Variants in ANKHD1 observed in about 807,000 individuals in gnomAD.
The protein encoded by ANKHD1 is ankyrin repeat and KH domain-containing protein 1.
In ANKHD1, 31 loss-of-function variants were observed where a neutral mutation model predicts 230.5. The ratio of observed to expected loss-of-function variants is 0.13; its 90% confidence interval spans 0.10 to 0.18. The LOEUF (loss-of-function observed/expected upper bound fraction) is 0.18, where lower values mean the gene tolerates loss of function less well. ANKHD1 is among the 10% of genes least tolerant of loss of function. The pLI, the probability that ANKHD1 is intolerant of heterozygous loss-of-function variation, is 1.00. For missense variants in ANKHD1, 2,256 were observed against 3,071.3 expected (o/e 0.73, Z 6.27); for synonymous variants, 1,074 against 1,117.6 (o/e 0.96, Z 0.78).
intron 9 of ANKHD1, among the ~76,000 whole-genome samples, chr5:140,460,192 A>G (rs1471244255): frequency 1.3e-5 from 2 of 152,182 alleles, no homozygotes; most frequent in Admixed American, 1.3e-4. Flanking sequence ...TAATTTTAAA[A>G]ATATTTGTGC....
chr5:140,410,993 T>A (rs775607567), intron 1 of ANKHD1, among the ~76,000 whole-genome samples: 1 of 146,342 alleles, frequency 6.8e-6, no homozygotes, highest in Non-Finnish European at 1.5e-5. Context: ...GAGCCCATAC[T>A]GTTATTTTGC....
At chr5:140,436,689 T>C (rs1193125511) in intron 2 of ANKHD1, among the ~76,000 whole-genome samples, 1 of 149,316 alleles carries the variant, frequency 6.7e-6, no homozygotes, top group African/African-American at 2.5e-5. Flanking sequence ...GAGGTTTCAG[T>C]GAGCCGAGAT....
chr5:140,440,969 T>C (rs1284035909), intron 4 of ANKHD1, 26 bp from the exon 5 acceptor site: 13 of 1,523,224 alleles, frequency 8.5e-6, no homozygotes, highest in Non-Finnish European at 9.7e-6. Flanking sequence ...ATTAACAATT[T>C]CTCTGTCTGT....
chr5:140,515,982 A>G (rs1487757488), intron 24 of ANKHD1, among the ~76,000 whole-genome samples: 1 of 152,242 alleles, frequency 6.6e-6, no homozygotes, highest in Non-Finnish European at 1.5e-5. Context: ...AAGGCCTCAG[A>G]CGATCAAATT....
intron 5 of ANKHD1, among the ~76,000 whole-genome samples, chr5:140,444,003 ATGT>A (rs1051285083): frequency 1.3e-5 from 2 of 151,294 alleles, no homozygotes; most frequent in East Asian, 1.9e-4. Flanking sequence ...GAAAACCACC[ATGT>A]TGTTCTCAGT....
At chr5:140,471,791 G>T (rs1776512533) in intron 10 of ANKHD1, among the ~76,000 whole-genome samples, 1 of 152,128 alleles carries the variant, frequency 6.6e-6, no homozygotes, top group South Asian at 2.1e-4. Flanking sequence ...TAGTTGAAAA[G>T]TGGAAGCCTT....
At chr5:140,467,650 T>C (rs1028844320) in intron 10 of ANKHD1, among the ~76,000 whole-genome samples, 1 of 152,182 alleles carries the variant, frequency 6.6e-6, no homozygotes, top group Non-Finnish European at 1.5e-5. Context: ...ATAATAACTT[T>C]TATATTTAAA....
At position 140,537,578 on chromosome 5, in the gene ANKHD1, A is replaced by G. The variant is rs564448431; in HGVS notation, c.7217A>G (p.Asn2406Ser). The change falls in exon 31 of 34, where the codon AAT becomes AGT. Residue 2406 changes from asparagine (N) to serine (S), a missense_variant. Asn to Ser is a conservative substitution (Grantham distance 46). This residue lies in a region of ANKHD1 where 778 missense variants were observed against 966.5 expected (regional missense o/e 0.80). Transcript: ENST00000360839. ...GHSGIWSFGV[N>S]AVSEGLSGWS... ...AGTGGAATCTGGTCATTTGGTGTCAATGCTGTGTCAGGTACAATTGCCTTG... is the reference window on the plus strand; with the variant it reads ...AGTGGAATCTGGTCATTTGGTGTCAGTGCTGTGTCAGGTACAATTGCCTTG... The G allele has an allele frequency of 1.0e-4, 159 of 1,583,788 alleles. 2 individuals carry two copies. In the South Asian group the frequency reaches 1.6e-3, roughly 16 times the overall value.
At chr5:140,434,694 TA>T (rs1274807489) in intron 1 of ANKHD1, among the ~76,000 whole-genome samples, 2 of 152,136 alleles carry the variant, frequency 1.3e-5, no homozygotes, top group African/African-American at 4.8e-5. Context: ...TTTAATTTTT[TA>T]TTTCTTCTCA....
At chr5:140,405,279 ATGAT>A (rs1770342235) in intron 1 of ANKHD1, among the ~76,000 whole-genome samples, 1 of 152,142 alleles carries the variant, frequency 6.6e-6, no homozygotes, top group Admixed American at 6.6e-5. Context: ...CTAATCTAAG[ATGAT>A]GCTTAGTGGG....
At position 140,528,075 on chromosome 5, in the gene ANKHD1, T is replaced by A. The variant is rs1753677402; in HGVS notation, c.5237+53T>A. On this transcript the variant is annotated intron_variant, in intron 28 of 33. Coordinates refer to ENST00000360839, the MANE Select transcript of ANKHD1 (RefSeq NM_017747.3). ...TTCTGAGTAGAAATTATAAGAAGCATACCTTTGTCAGGTATGGTATAATTA... is the reference window on the plus strand; with the variant it reads ...TTCTGAGTAGAAATTATAAGAAGCAAACCTTTGTCAGGTATGGTATAATTA... 7 of 1,602,552 alleles carry A rather than the reference T, an allele frequency of 4.4e-6. No homozygotes were observed. The South Asian group carries it at 6.8e-5, about 15-fold the overall frequency.
At chr5:140,411,782 C>T (rs1245096564) in intron 1 of ANKHD1, among the ~76,000 whole-genome samples, 3 of 151,802 alleles carry the variant, frequency 2.0e-5, no homozygotes, top group Non-Finnish European at 4.4e-5. Flanking sequence ...CCTCAGCCTC[C>T]CAAAGTGCTG....
At chr5:140,447,214 A>G (rs1774353476) in intron 6 of ANKHD1, among the ~76,000 whole-genome samples, 3 of 149,972 alleles carry the variant, frequency 2.0e-5, no homozygotes. Context: ...ATTTTTTATT[A>G]TTTTTAGAGA....
At position 140,445,722 on chromosome 5, in the gene ANKHD1, T is replaced by TTTC. The variant is rs776575315; in HGVS notation, c.914-8_914-6dup. The TTTC allele has an allele frequency of 3.1e-5, 48 of 1,551,410 alleles. No individual in the cohort carries two copies. Among genetic ancestry groups the TTTC allele is most frequent in the Non-Finnish European group, 4.1e-5 (47 of 1,147,136 alleles). ...ATATATATTCTGCTCATGTATTATA[T>TTTC]TTCTTCTTCTTCTTTTTAGGAAACA... On this transcript the variant is annotated intron_variant, in intron 5 of 33. Transcript: ENST00000360839.
intron 24 of ANKHD1, among the ~76,000 whole-genome samples, chr5:140,515,470 C>A (rs934254723): frequency 6.6e-6 from 1 of 152,060 alleles, no homozygotes; most frequent in Non-Finnish European, 1.5e-5. Flanking sequence ...CCAAGGTGGC[C>A]GAATAGGAGC....
chr5:140,442,600 C>T (rs1773947322), intron 5 of ANKHD1, among the ~76,000 whole-genome samples: 1 of 152,108 alleles, frequency 6.6e-6, no homozygotes, highest in African/African-American at 2.4e-5. Context: ...CAGAAAATAT[C>T]TCTTATATTT....
In ANKHD1 at chr5:140,440,120, C is replaced by A; in HGVS notation, c.619C>A (p.Arg207Ser). The A allele has an allele frequency of 6.3e-7, 1 of 1,597,132 alleles. No individual in the cohort carries two copies. The highest frequency in any genetic ancestry group is 8.5e-7 in the Non-Finnish European group (1 of 1,172,018). Residue 207 changes from arginine to serine, a missense_variant and splice_region_variant, in exon 4 of 34, where the codon CGC becomes AGC. Coordinates refer to ENST00000360839, the MANE Select transcript of ANKHD1 (RefSeq NM_017747.3). ...NSHNAGQVDT[R>S]SLAEACSDGD... ...ATTGTTGAATGGTTTTGTTTCCAGT[C>A]GCAGTCTAGCAGAAGCTTGTTCAGA...
At chr5:140,441,643 AG>A (rs1292668964) in intron 5 of ANKHD1, among the ~76,000 whole-genome samples, 1 of 152,146 alleles carries the variant, frequency 6.6e-6, no homozygotes, top group East Asian at 1.9e-4. Context: ...AGTAGGTAAA[AG>A]GATACAAAGT....
intron 1 of ANKHD1, among the ~76,000 whole-genome samples, chr5:140,410,979 T>C (rs1293718810): frequency 6.6e-6 from 1 of 152,026 alleles, no homozygotes; most frequent in African/African-American, 2.4e-5. Flanking sequence ...TGATACTGAA[T>C]TTAGAGCCCA....
Sources: gnomAD v4.1 joint callset for allele counts (sites outside exome capture counted in the v4.1 genomes callset) on GRCh38, gnomAD v4.1.1 for gene constraint, gnomAD v4.1.1 regional missense constraint, MANE v1.5 for transcripts, NCBI Gene and HGNC (gene_info 2026-07-23, HGNC 2026-07-21) for gene names.